The following SAMMSON variants were observed in gnomAD, a reference collection of about 807,000 sequenced individuals.
The protein encoded by SAMMSON is long intergenic non-protein coding RNA 1212.
intron 4 of SAMMSON, among the ~76,000 whole-genome samples, chr3:70,195,414 G>C (rs1701166490): frequency 6.6e-6 from 1 of 152,182 alleles, no homozygotes; most frequent in African/African-American, 2.4e-5. Flanking sequence ...AGCAAGTTGA[G>C]AGTGGTTAAA....
chr3:70,019,370 T>C (rs1163528821), intron 3 of SAMMSON, among the ~76,000 whole-genome samples: 3 of 152,158 alleles, frequency 2.0e-5, no homozygotes, highest in African/African-American at 4.8e-5. Flanking sequence ...CTTTGTTGGT[T>C]TAAAGTCTGT....
At chr3:70,053,222 G>A (rs1485774676) in intron 3 of SAMMSON, among the ~76,000 whole-genome samples, 2 of 152,080 alleles carry the variant, frequency 1.3e-5, no homozygotes, top group Non-Finnish European at 2.9e-5. Flanking sequence ...AGTCATTGTA[G>A]TGGTTAAATA....
At chr3:70,294,761 A>G (rs968875919) in intron 7 of SAMMSON, among the ~76,000 whole-genome samples, 2 of 152,138 alleles carry the variant, frequency 1.3e-5, no homozygotes, top group Admixed American at 6.5e-5. Context: ...ATTTTTTTCC[A>G]TGTCATTTTA....
intron 7 of SAMMSON, among the ~76,000 whole-genome samples, chr3:70,306,554 C>G (rs1419063183): frequency 6.6e-6 from 1 of 152,122 alleles, no homozygotes; most frequent in Non-Finnish European, 1.5e-5. Flanking sequence ...GAGAATAAAG[C>G]TTGTTTATTG....
intron 4 of SAMMSON, among the ~76,000 whole-genome samples, chr3:70,079,449 A>AT (rs1293888186): frequency 7.9e-5 from 12 of 152,040 alleles, no homozygotes; most frequent in Admixed American, 2.0e-4. Flanking sequence ...GTGACTTATG[A>AT]TTTTTTTGAC....
rs571627692 is a variant in SAMMSON, at chr3:70,006,540, T to C, written n.23-5817T>C. Among the ~76,000 whole-genome samples the C allele has an allele frequency of 2.0e-5, 3 of 152,284 alleles. 1 individual carries two copies. Among genetic ancestry groups the C allele is most frequent in the African/African-American group, 4.8e-5 (2 of 41,562 alleles). Reference sequence around the variant, plus strand: ...ACCCAGGTCTTAGTGGTTAACCAAGTCCATGTGATTTCTACCACTCCTATG... The same window carrying C: ...ACCCAGGTCTTAGTGGTTAACCAAGCCCATGTGATTTCTACCACTCCTATG... On this transcript the variant is annotated intron_variant and non_coding_transcript_variant, in intron 1 of 9. Coordinates refer to ENST00000642114, the Ensembl canonical transcript of SAMMSON.
chr3:70,432,500 A>G (rs1372948618), intron 2 of SAMMSON, among the ~76,000 whole-genome samples: 1 of 151,860 alleles, frequency 6.6e-6, no homozygotes, highest in African/African-American at 2.4e-5. Context: ...CTATATTTTC[A>G]TAGCAGTTTT....
chr3:70,228,743 T>C (rs1365641004), intron 4 of SAMMSON, among the ~76,000 whole-genome samples: 1 of 146,088 alleles, frequency 6.8e-6, no homozygotes, highest in Non-Finnish European at 1.5e-5. Flanking sequence ...TCATGAATCT[T>C]TTTTTTTTTT....
chr3:70,309,711 A>C (rs1702438647), intron 7 of SAMMSON, among the ~76,000 whole-genome samples: 1 of 152,200 alleles, frequency 6.6e-6, no homozygotes, highest in Non-Finnish European at 1.5e-5. Context: ...TTTGAAAACT[A>C]ACTCATCCTG....
chr3:70,021,464 A>G (rs937001027), intron 3 of SAMMSON, among the ~76,000 whole-genome samples: 1 of 152,228 alleles, frequency 6.6e-6, no homozygotes, highest in African/African-American at 2.4e-5. Context: ...ATCTGTGGCA[A>G]AATGAGGAAG....
chr3:70,264,332 A>G (rs1701895746), intron 6 of SAMMSON, among the ~76,000 whole-genome samples: 7 of 152,186 alleles, frequency 4.6e-5, no homozygotes, highest in Admixed American at 3.9e-4. Context: ...TCACGTTTAC[A>G]TATTTAGAAA....
chr3:70,127,938 A>G (rs2067466344), intron 4 of SAMMSON, among the ~76,000 whole-genome samples: 1 of 151,492 alleles, frequency 6.6e-6, no homozygotes, highest in African/African-American at 2.4e-5. Flanking sequence ...ACTGTGCCCA[A>G]CCATGCCCCA....
At chr3:70,247,088 G>C (rs773484569) in intron 4 of SAMMSON, among the ~76,000 whole-genome samples, 2 of 151,868 alleles carry the variant, frequency 1.3e-5, no homozygotes, top group Non-Finnish European at 2.9e-5. Context: ...GCCAATCATA[G>C]TACCAAGCGC....
chr3:70,270,108 C>T (rs1302541693), intron 6 of SAMMSON, among the ~76,000 whole-genome samples: 1 of 152,056 alleles, frequency 6.6e-6, no homozygotes, highest in African/African-American at 2.4e-5. Context: ...ATGATGCCAT[C>T]CACAGCATTA....
At chr3:70,276,617 A>C (rs1702029181) in intron 6 of SAMMSON, among the ~76,000 whole-genome samples, 1 of 152,188 alleles carries the variant, frequency 6.6e-6, no homozygotes, top group Non-Finnish European at 1.5e-5. Context: ...ACCTTTGTTT[A>C]CCTTCTAATA....
At chr3:70,177,552 T>G (rs1315875662) in intron 4 of SAMMSON, among the ~76,000 whole-genome samples, 2 of 152,196 alleles carry the variant, frequency 1.3e-5, no homozygotes, top group Non-Finnish European at 2.9e-5. Context: ...ATGCTGCCAT[T>G]CATTTTGACC....
chr3:70,247,365 C>A (rs565286383), intron 4 of SAMMSON, among the ~76,000 whole-genome samples: 5 of 151,774 alleles, frequency 3.3e-5, no homozygotes, highest in African/African-American at 1.2e-4. Context: ...ATGGTTAATG[C>A]GGAGAGAGTT....
At chr3:70,044,768 A>G (rs1267406227) in intron 3 of SAMMSON, among the ~76,000 whole-genome samples, 1 of 151,172 alleles carries the variant, frequency 6.6e-6, no homozygotes, top group Non-Finnish European at 1.5e-5. Context: ...TACATAAATA[A>G]AATGTAACTG....
intron 3 of SAMMSON, among the ~76,000 whole-genome samples, chr3:70,051,329 G>A (rs1472191967): frequency 6.7e-6 from 1 of 149,764 alleles, no homozygotes; most frequent in African/African-American, 2.5e-5. Context: ...AGTTCAAGAT[G>A]TACATAAGGA....
Sources: allele counts gnomAD v4.1 joint callset (sites outside exome capture counted in the v4.1 genomes callset), GRCh38; gene constraint gnomAD v4.1.1; transcripts MANE v1.5; gene names NCBI Gene and HGNC (gene_info 2026-07-23, HGNC 2026-07-21).